The following ENO2 variants were observed in gnomAD, a reference collection of about 807,000 sequenced individuals.
ENO2 encodes the protein enolase 2.
ENO2 carries 19 observed loss-of-function variants against 48.7 expected under a neutral mutation model. The ratio of observed to expected loss-of-function variants is 0.39; its 90% CI spans 0.27 to 0.57. ENO2 has a LOEUF of 0.57. ENO2 is among the 20% of genes least tolerant of loss of function. ENO2 has a pLI of 0.58. For missense variants in ENO2, 416 were observed against 555.0 expected, an observed-to-expected ratio of 0.75 and a Z score of 2.52; for synonymous variants, 198 against 213.4, an observed-to-expected ratio of 0.93 and a Z score of 0.63.
At chr12:6,917,735 CG>C (rs1194171091) in intron 6 of ENO2, 21 bp downstream of exon 6, 1 of 1,478,952 alleles carries the variant, frequency 6.8e-7, no homozygotes. Flanking sequence ...AGCCAGCCTG[CG>C]GCTCTCCCAG....
At chr12:6,920,377 G>A (rs947234632) in intron 8 of ENO2, among the ~76,000 whole-genome samples, 1 of 136,494 alleles carries the variant, frequency 7.3e-6, no homozygotes, top group Non-Finnish European at 1.6e-5. Context: ...TTTTTTGGGG[G>A]GGGGGTGGGG....
chr12:6,917,871 T>C (rs1398783800), intron 6 of ENO2, 69 bp from the exon 7 acceptor site: 2 of 1,593,046 alleles, frequency 1.3e-6, no homozygotes, highest in African/African-American at 1.3e-5. Flanking sequence ...GTTTGGGATC[T>C]TGGGTTAACA....
chr12:6,921,808 T>C (rs782209823), intron 9 of ENO2, 26 bp downstream of exon 9: 1 of 1,612,334 alleles, frequency 6.2e-7, no homozygotes, highest in Non-Finnish European at 8.5e-7. Flanking sequence ...CCCTCTCCTG[T>C]GTGGTCCTCG....
Position 6,921,712 on chromosome 12 carries a change from G to A in ENO2, c.997G>A (p.Glu333Lys). ...TNPKRIERAV[E>K]EKACNCLLLK... ...CCCAAAACGTATTGAGCGGGCAGTG[G>A]AAGAAAAGGCCTGCAACTGTCTGCT... Residue 333 changes from glutamate to lysine, a missense_variant, in exon 9 of 12, where the codon GAA (glutamate) becomes AAA (lysine). Transcript: ENST00000229277. The A allele has an allele frequency of 1.2e-6, 2 of 1,614,212 alleles. No homozygotes were observed. The highest frequency in any genetic ancestry group is 1.7e-6 in the Non-Finnish European group (2 of 1,180,046).
chr12:6,915,694 A>AAC, intron 1 of ENO2, 127 bp from the exon 2 acceptor site: 1 of 145,570 alleles, frequency 6.9e-6, no homozygotes, highest in Non-Finnish European at 1.4e-5. Context: ...GCGCCTCCCT[A>AAC]CCCACCCCCC....
intron 7 of ENO2, among the ~76,000 whole-genome samples, chr12:6,918,572 C>G (rs1945312728): frequency 6.6e-6 from 1 of 151,460 alleles, no homozygotes; most frequent in South Asian, 2.1e-4. Flanking sequence ...AACTCCTGAC[C>G]TTGTGATCGG....
chr12:6,919,703 C>T lies in ENO2; in HGVS notation c.805C>T (p.Arg269Ter), dbSNP rs61917869. 3.7e-6 allele frequency: 6 copies of T among 1,614,054 alleles called. No homozygotes were observed. The highest frequency in any genetic ancestry group is 1.7e-5 in the Admixed American group (1 of 59,988). ...LDFKSPTDPS[R>*]YITGDQLGAL... is the part of the protein sequence containing the mutation. Reference sequence around the variant, plus strand: ...CTTCAAGTCTCCCACTGATCCTTCCCGATACATCACTGGGGACCAGCTGGG... The same window carrying T: ...CTTCAAGTCTCCCACTGATCCTTCCTGATACATCACTGGGGACCAGCTGGG... Residue 269 changes from arginine to a stop codon, truncating the protein, a stop_gained, in exon 8 of 12, where the codon CGA (arginine) becomes TGA (stop). Transcript: ENST00000229277. LOFTEE classifies it high-confidence loss of function.
rs141543711 is a variant in ENO2 at position 6,922,344 on chromosome 12, A to G, written c.1177A>G (p.Ile393Val). ...CTGCAAATCCTTTGAAATGTTTCAGATCAAGACTGGTGCCCCGTGCCGTTC... is the reference window on the plus strand; with the variant it reads ...CTGCAAATCCTTTGAAATGTTTCAGGTCAAGACTGGTGCCCCGTGCCGTTC... ...DLVVGLCTGQIKTGAPCRSER... is the reference protein window; with the variant it reads ...DLVVGLCTGQVKTGAPCRSER... The change falls in exon 11 of 12, where the codon ATC becomes GTC. Residue 393 changes from isoleucine to valine, a missense_variant and splice_region_variant. Physicochemically the swap from Ile to Val is conservative, Grantham distance 29. Transcript: ENST00000229277. The surrounding 1 kb of genome is among the most constrained non-coding windows in gnomAD (Gnocchi z 5.3). 552 of 1,614,036 alleles carry G rather than the reference A, an allele frequency of 3.4e-4. No individual in the cohort carries two copies. Among genetic ancestry groups the G allele is most frequent in the Non-Finnish European group, 4.3e-4 (503 of 1,180,042 alleles).
At position 6,923,157 on chromosome 12, in the gene ENO2, C is replaced by A. The variant is rs1231251276; in HGVS notation, c.*357C>A. On this transcript the variant is annotated 3_prime_UTR_variant, in exon 12 of 12. Coordinates refer to ENST00000229277, the MANE Select transcript of ENO2 (RefSeq NM_001975.3). ...GGTGTGCTGAGGTGTTAGAGAGGGA[C>A]CATGTGTCACTTGTGCTTTGCTCTT... 4.2e-5 allele frequency: 12 copies of A among 284,790 alleles called. No homozygotes were observed. The South Asian group carries it at 4.4e-4, about 11-fold the overall frequency. 17.6% of individuals were successfully genotyped at this position (284,790 alleles called of 1,614,324 possible). A position where few individuals can be genotyped will look rare whatever the true frequency, so the allele number is the denominator to read the frequency against.
rs2071417 is a variant in ENO2 at position 6,917,143 on chromosome 12, G to T, written c.310+36G>T. ...GCCGGGAGAAAGTGGGGAAGCGTCA[G>T]GGTGGGGAGGCGTGGAGCAGATAGA... On this transcript the variant is annotated intron_variant, in intron 5 of 11. Transcript: ENST00000229277. The T allele has an allele frequency of 5.6e-6, 9 of 1,612,992 alleles. No homozygotes were observed. The African/African-American group carries it at 1.1e-4, about 19-fold the overall frequency.
At chr12:6,918,344 G>T (rs1264435069) in intron 7 of ENO2, among the ~76,000 whole-genome samples, 182 bp downstream of exon 7, 3 of 150,852 alleles carry the variant, frequency 2.0e-5, no homozygotes, top group Non-Finnish European at 4.4e-5. Context: ...GCAGACCTAG[G>T]GGGACAGTAT....
Position 6,917,636 on chromosome 12 carries a change from G to A in ENO2, c.366G>A (p.Gly122=), listed in dbSNP as rs376100514. 7.4e-6 allele frequency: 12 copies of A among 1,613,846 alleles called. No homozygotes were observed. The highest frequency in any genetic ancestry group is 1.6e-4 in the Middle Eastern group (1 of 6,062). ...TGTCTCTGGCCGTGTGTAAGGCAGG[G>A]GCAGCTGAGCGGGAACTGCCCCTGT... ...LGVSLAVCKA[G]AAERELPLYR... The change falls in exon 6 of 12, where the codon GGG becomes GGA. Residue 122 remains glycine, a synonymous_variant. Coordinates refer to ENST00000229277, the MANE Select transcript of ENO2 (RefSeq NM_001975.3).
In ENO2 at chr12:6,923,038, C is replaced by T. The variant is rs1474012075; in HGVS notation, c.*238C>T. 2.0e-6 allele frequency: 1 copy of T among 507,804 alleles called. No individual in the cohort carries two copies. Among genetic ancestry groups the T allele is most frequent in the African/African-American group, 1.9e-5 (1 of 51,448 alleles). The allele number at this position is 507,804 out of a possible 1,614,324, so 31.5% of individuals were successfully genotyped here. A position where few individuals can be genotyped will look rare whatever the true frequency, so the allele number is the denominator to read the frequency against. On this transcript the variant is annotated 3_prime_UTR_variant, in exon 12 of 12. Transcript: ENST00000229277. Reference sequence around the variant, plus strand: ...TTTCCACTTCTTCCTTTCTCTTTCTCTCTTCCCTCAGAAACTAGAAATGTG... The same window carrying T: ...TTTCCACTTCTTCCTTTCTCTTTCTTTCTTCCCTCAGAAACTAGAAATGTG...
intron 8 of ENO2, among the ~76,000 whole-genome samples, chr12:6,921,225 C>A (rs1031602909): frequency 2.6e-5 from 4 of 152,146 alleles, no homozygotes; most frequent in African/African-American, 9.7e-5. Flanking sequence ...GAGACCTCAT[C>A]TCTACAAAAA....
chr12:6,915,181 G>C (rs1466025018), intron 1 of ENO2: 1 of 153,118 alleles, frequency 6.5e-6, no homozygotes, highest in East Asian at 1.9e-4. Context: ...GGCCCAGCTC[G>C]CCTCCACTCC....
chr12:6,920,600 A>C (rs1199786301), intron 8 of ENO2, among the ~76,000 whole-genome samples: 2 of 150,148 alleles, frequency 1.3e-5, no homozygotes, highest in East Asian at 3.9e-4. Context: ...GGGTTTCTCC[A>C]TGTTGGTCAG....
At chr12:6,919,784 G>A in intron 8 of ENO2, 21 bp downstream of exon 8, 1 of 1,610,060 alleles carries the variant, frequency 6.2e-7, no homozygotes, top group Non-Finnish European at 8.5e-7. Context: ...GTGGTGTGAG[G>A]GGGAGGTCTG....
chr12:6,916,926 A>C lies in ENO2; in HGVS notation c.241-112A>C. On this transcript the variant is annotated intron_variant, in intron 4 of 11. Coordinates refer to ENST00000229277, the MANE Select transcript of ENO2 (RefSeq NM_001975.3). This position sits in a 1 kb window ranked among gnomAD's most constrained non-coding sequence, Gnocchi z 4.5. ...CCTAATCCAGGTAGGCCCCTGTCAC[A>C]GGGACCTGGTTGGACCCTGGCCAAA... The C allele has an allele frequency of 6.7e-7, 1 of 1,500,074 alleles. No homozygotes were observed. The highest frequency in any genetic ancestry group is 9.2e-7 in the Non-Finnish European group (1 of 1,088,834). 92.9% of individuals were successfully genotyped at this position (1,500,074 alleles called of 1,614,324 possible).
chr12:6,921,253 G>T (rs1179919909), intron 8 of ENO2, among the ~76,000 whole-genome samples: 1 of 152,214 alleles, frequency 6.6e-6, no homozygotes, highest in Non-Finnish European at 1.5e-5. Context: ...AATTAGCTGA[G>T]TGTGGTGCCA....
Sources: allele counts gnomAD v4.1 joint callset (sites outside exome capture counted in the v4.1 genomes callset), GRCh38; gene constraint gnomAD v4.1.1; non-coding constraint Gnocchi (gnomAD v3.1); transcripts MANE v1.5; gene names NCBI Gene and HGNC (gene_info 2026-07-23, HGNC 2026-07-21).